The following PRKAR1B variants were observed in gnomAD, a reference collection of about 807,000 sequenced individuals.
The protein encoded by PRKAR1B is cAMP-dependent protein kinase type I-beta regulatory subunit.
Under a neutral mutation model 46.5 loss-of-function variants are expected in PRKAR1B, and 22 were observed. The ratio of observed to expected loss-of-function variants is 0.47; its 90% CI spans 0.34 to 0.68. The LOEUF is 0.68. Ranked by LOEUF, PRKAR1B falls within the 30% of genes least tolerant of loss-of-function variation. The pLI is 0.01. For synonymous variants in PRKAR1B, 259 were observed against 217.7 expected, an observed-to-expected ratio of 1.19 and a Z score of -1.67; for missense variants, 445 against 535.6, an observed-to-expected ratio of 0.83 and a Z score of 1.67.
chr7:610,781 A>G (rs1333224944), intron 4 of PRKAR1B, among the ~76,000 whole-genome samples: 1 of 152,226 alleles, frequency 6.6e-6, no homozygotes, highest in East Asian at 1.9e-4. Context: ...GTCTGTAAAA[A>G]ACAGTTTTCT....
At chr7:596,813 C>T (rs191634773) in intron 6 of PRKAR1B, among the ~76,000 whole-genome samples, 121 of 152,386 alleles carry the variant, frequency 7.9e-4, no homozygotes, top group Middle Eastern at 6.8e-3. Context: ...CACCAGCACA[C>T]ACCACTGGGC....
intron 2 of PRKAR1B, among the ~76,000 whole-genome samples, chr7:706,721 G>A (rs577647563): frequency 7.2e-5 from 11 of 151,906 alleles, no homozygotes; most frequent in African/African-American, 1.9e-4. Context: ...CACCGCGCCC[G>A]GCCCAAATAA....
rs1337164260 is a variant in PRKAR1B at position 567,436 on chromosome 7, TCATCAC to T, written c.891+11814_891+11819del. ...ATCATCATCACCATCATCACCATCA[TCATCAC>T]CATCACCTCCATCATCACTATCACC... On this transcript the variant is annotated intron_variant, in intron 9 of 10. Coordinates refer to ENST00000537384, the MANE Select transcript of PRKAR1B (RefSeq NM_001164760.2). 8.7e-5 allele frequency among the ~76,000 whole-genome samples: 12 copies of T among 138,080 alleles called. 1 individual carries two copies. Among genetic ancestry groups the T allele is most frequent in the Middle Eastern group, 3.7e-3 (1 of 270 alleles). The allele number at this position is 138,080 out of a possible 152,430, so 90.6% of individuals were successfully genotyped here.
intron 8 of PRKAR1B, among the ~76,000 whole-genome samples, chr7:582,375 C>T (rs1780237203): frequency 6.6e-6 from 1 of 152,272 alleles, no homozygotes; most frequent in Non-Finnish European, 1.5e-5. Context: ...TCAGGCTCAT[C>T]CAGGGCCATC....
intron 4 of PRKAR1B, among the ~76,000 whole-genome samples, chr7:669,623 G>A (rs940286212): frequency 3.3e-5 from 5 of 151,884 alleles, no homozygotes; most frequent in African/African-American, 4.8e-5. Context: ...AATTAGCCAG[G>A]TGTGGTGGCG....
chr7:551,061 C>G (rs886977513), intron 10 of PRKAR1B, among the ~76,000 whole-genome samples: 1 of 152,074 alleles, frequency 6.6e-6, no homozygotes, highest in African/African-American at 2.4e-5. Context: ...CTCAAGCCCA[C>G]CCACCCCCAG....
intron 2 of PRKAR1B, among the ~76,000 whole-genome samples, chr7:702,598 C>T (rs1178412194): frequency 5.3e-5 from 8 of 151,996 alleles, no homozygotes; most frequent in East Asian, 3.9e-4. Context: ...CCGAGGCAGG[C>T]GGATCACGAG....
chr7:582,827 G>A (rs1036727752), intron 8 of PRKAR1B, among the ~76,000 whole-genome samples: 2 of 152,270 alleles, frequency 1.3e-5, no homozygotes, highest in African/African-American at 2.4e-5. Context: ...ACGCCCAGAC[G>A]GGCGGCAGAG....
chr7:585,500 G>A lies in PRKAR1B; in HGVS notation c.709-932C>T, dbSNP rs138213477. On this transcript the variant is annotated intron_variant, in intron 7 of 10. Coordinates refer to ENST00000537384, the MANE Select transcript of PRKAR1B (RefSeq NM_001164760.2). ...TATCATCCACTGACAGAGGCCACGC[G>A]TTCGAGTAGGGTGTACGCCGGGATG... Among the ~76,000 whole-genome samples, 148 of 152,338 alleles carry A rather than the reference G, an allele frequency of 9.7e-4. 1 individual carries two copies. In the East Asian group the frequency reaches 0.018, roughly 19 times the overall value.
At chr7:690,586 CACAA>C (rs1779357963) in intron 2 of PRKAR1B, among the ~76,000 whole-genome samples, 1 of 152,172 alleles carries the variant, frequency 6.6e-6, no homozygotes, top group South Asian at 2.1e-4. Context: ...GTTAACACAA[CACAA>C]ACAAATTGGA....
chr7:560,555 G>A lies in PRKAR1B; in HGVS notation c.892-9085C>T, dbSNP rs1412311384. On this transcript the variant is annotated intron_variant, in intron 9 of 10. Transcript: ENST00000537384. The surrounding 1 kb of genome is among the most constrained non-coding windows in gnomAD (Gnocchi z 4.2). ...CCTGGCCAGGAACAAATGGGACTGA[G>A]GAGGCTCCTGTCCTGCACCTTGGGC... is the stretch of plus-strand genomic sequence containing the variant. Among the ~76,000 whole-genome samples the A allele has an allele frequency of 6.6e-6, 1 of 152,130 alleles. No homozygotes were observed. Among genetic ancestry groups the A allele is most frequent in the Non-Finnish European group, 1.5e-5 (1 of 68,022 alleles).
chr7:668,446 G>A (rs1044098557), intron 4 of PRKAR1B, among the ~76,000 whole-genome samples: 2 of 152,184 alleles, frequency 1.3e-5, no homozygotes, highest in African/African-American at 4.8e-5. Flanking sequence ...TAGAGACCGT[G>A]GCCAGAAAAA....
At chr7:627,124 C>T (rs185981079) in intron 4 of PRKAR1B, among the ~76,000 whole-genome samples, 3 of 152,276 alleles carry the variant, frequency 2.0e-5, no homozygotes, top group Admixed American at 6.5e-5. Flanking sequence ...CCGCCCACCT[C>T]GGCCTCCCAA....
At position 711,517 on chromosome 7, in the gene PRKAR1B, C is replaced by T. The variant is rs1256488945; in HGVS notation, c.-12G>A. ...GGCGGGGAGGCCATGGCGAGGGTGGCTGCTTCCTTCCTGTCCAGAAAACAC... is the reference window on the plus strand; with the variant it reads ...GGCGGGGAGGCCATGGCGAGGGTGGTTGCTTCCTTCCTGTCCAGAAAACAC... On this transcript the variant is annotated 5_prime_UTR_variant, in exon 2 of 11. Coordinates refer to ENST00000537384, the MANE Select transcript of PRKAR1B (RefSeq NM_001164760.2). 1 of 1,611,922 alleles carries T rather than the reference C, an allele frequency of 6.2e-7. No homozygotes were observed. The highest frequency in any genetic ancestry group is 1.7e-5 in the Admixed American group (1 of 59,994).
rs186839903 is a variant in PRKAR1B at position 555,728 on chromosome 7, C to T, written c.892-4258G>A. Among the ~76,000 whole-genome samples, 530 of 152,318 alleles carry T rather than the reference C, an allele frequency of 3.5e-3. 3 individuals are homozygous for T. Among genetic ancestry groups the T allele is most frequent in the African/African-American group, 0.012 (510 of 41,580 alleles). ...ATGGAAGCCCAGAGAGGTTGAGCAA[C>T]TTGGCCAAGGCCACACAGTCAGAGT... On this transcript the variant is annotated intron_variant, in intron 9 of 10. Coordinates refer to ENST00000537384, the MANE Select transcript of PRKAR1B (RefSeq NM_001164760.2).
intron 2 of PRKAR1B, among the ~76,000 whole-genome samples, chr7:687,994 G>T (rs1184491366): frequency 6.6e-6 from 1 of 150,850 alleles, no homozygotes; most frequent in Non-Finnish European, 1.5e-5. Context: ...TCCTCGGGAG[G>T]CTCAGGCAGG....
At chr7:709,108 T>TAA (rs67191707) in intron 2 of PRKAR1B, among the ~76,000 whole-genome samples, 5 of 70,208 alleles carry the variant, frequency 7.1e-5, no homozygotes, top group African/African-American at 1.8e-4. Flanking sequence ...TATTTAATAC[T>TAA]AAAAAAAAAA....
At chr7:561,011 T>TACACACACACGTGTGA (rs1212144702) in intron 9 of PRKAR1B, among the ~76,000 whole-genome samples, 98 of 152,084 alleles carry the variant, frequency 6.4e-4, no homozygotes, top group African/African-American at 2.2e-3. Context: ...ATCCTATACA[T>TACACACACACGTGTGA]ACACACACAC....
At position 648,445 on chromosome 7, in the gene PRKAR1B, C is replaced by G. The variant is rs190508868; in HGVS notation, c.440+28784G>C. On this transcript the variant is annotated intron_variant, in intron 4 of 10. Transcript: ENST00000537384. ...TGGCCAACATGGCAAAACTCCATCT[C>G]TACAAAAATACAAAAATTAGCTGGG... 1.5e-3 allele frequency among the ~76,000 whole-genome samples: 222 copies of G among 152,018 alleles called. 4 individuals carry two copies. Among genetic ancestry groups the G allele is most frequent in the East Asian group, 8.8e-3 (45 of 5,116 alleles).
Sources: allele counts gnomAD v4.1 joint callset (sites outside exome capture counted in the v4.1 genomes callset), GRCh38; gene constraint gnomAD v4.1.1; non-coding constraint Gnocchi (gnomAD v3.1); transcripts MANE v1.5; gene names NCBI Gene and HGNC (gene_info 2026-07-23, HGNC 2026-07-21).